Variants in ERBB4 observed in about 807,000 individuals in gnomAD.
The protein encoded by ERBB4 is erb-b2 receptor tyrosine kinase 4, also known as receptor tyrosine-protein kinase erbB-4.
ERBB4 carries 42 observed loss-of-function variants against 158.0 expected under a neutral mutation model. That is an observed-to-expected ratio of 0.27 (90% CI 0.21 to 0.34). The LOEUF (loss-of-function observed/expected upper bound fraction) is 0.34. ERBB4 is among the 10% of genes least tolerant of loss of function. ERBB4 has a pLI of 1.00. For missense variants in ERBB4, 1,333 were observed against 1,624.1 expected (o/e 0.82, Z 3.08); for synonymous variants, 583 against 558.7 (o/e 1.04, Z -0.61).
At chr2:212,074,324 C>T (rs977282928) in intron 2 of ERBB4, among the ~76,000 whole-genome samples, 2 of 151,946 alleles carry the variant, frequency 1.3e-5, no homozygotes, top group African/African-American at 4.8e-5. Context: ...TTTCAGGAAT[C>T]ACTAAACATA....
intron 1 of ERBB4, among the ~76,000 whole-genome samples, chr2:212,265,307 T>C (rs2085090050): frequency 6.6e-6 from 1 of 152,164 alleles, no homozygotes; most frequent in Non-Finnish European, 1.5e-5. Flanking sequence ...AATCATTTTA[T>C]GCTGTCTGAA....
intron 3 of ERBB4, among the ~76,000 whole-genome samples, chr2:211,935,144 C>T (rs1171060224): frequency 6.6e-6 from 1 of 152,046 alleles, no homozygotes; most frequent in African/African-American, 2.4e-5. Flanking sequence ...GTATGCCCTC[C>T]TTGTGGTATA....
chr2:212,436,257 A>T (rs2092134816), intron 1 of ERBB4, among the ~76,000 whole-genome samples: 1 of 152,148 alleles, frequency 6.6e-6, no homozygotes, highest in East Asian at 1.9e-4. Context: ...GAATCAATTC[A>T]TTTAGAAACC....
chr2:211,963,083 A>G lies in ERBB4; in HGVS notation c.235-15467T>C, dbSNP rs143381911. Among the ~76,000 whole-genome samples, 5 of 152,160 alleles carry G rather than the reference A, an allele frequency of 3.3e-5. No homozygotes were observed. The East Asian group carries it at 5.8e-4, about 18-fold the overall frequency. ...AGCACCTGTGATTTCATATATCTTGATGGGTGTCAGGTTATAATATTGTTC... is the reference window on the plus strand; with the variant it reads ...AGCACCTGTGATTTCATATATCTTGGTGGGTGTCAGGTTATAATATTGTTC... On this transcript the variant is annotated intron_variant, in intron 2 of 27. Coordinates refer to ENST00000342788, the MANE Select transcript of ERBB4 (RefSeq NM_005235.3).
chr2:211,997,620 A>G (rs1028273561), intron 2 of ERBB4, among the ~76,000 whole-genome samples: 10 of 152,142 alleles, frequency 6.6e-5, no homozygotes, highest in East Asian at 3.9e-4. Context: ...AGTCTCTCAC[A>G]TACACACTTA....
At chr2:212,431,683 C>T (rs1265521310) in intron 1 of ERBB4, among the ~76,000 whole-genome samples, 2 of 152,154 alleles carry the variant, frequency 1.3e-5, no homozygotes, top group Admixed American at 6.5e-5. Context: ...ATGATGACAT[C>T]TCTCATGACC....
intron 1 of ERBB4, among the ~76,000 whole-genome samples, chr2:212,519,786 T>G (rs150016534): frequency 5.3e-5 from 8 of 151,810 alleles, no homozygotes; most frequent in African/African-American, 1.7e-4. Context: ...CAGGGGAATA[T>G]AGAGAGAGGT....
At chr2:211,745,755 G>A (rs941934518) in intron 5 of ERBB4, among the ~76,000 whole-genome samples, 1 of 139,386 alleles carries the variant, frequency 7.2e-6, no homozygotes, top group East Asian at 2.4e-4. Context: ...CCTTAGGTAA[G>A]TATACTTATC....
At chr2:212,342,303 C>G (rs1226774017) in intron 1 of ERBB4, among the ~76,000 whole-genome samples, 1 of 152,060 alleles carries the variant, frequency 6.6e-6, no homozygotes, top group African/African-American at 2.4e-5. Context: ...ATGGGAGGGA[C>G]CTGGTGGGAG....
intron 3 of ERBB4, among the ~76,000 whole-genome samples, chr2:211,792,313 G>T (rs2076293671): frequency 6.6e-6 from 1 of 151,476 alleles, no homozygotes; most frequent in Non-Finnish European, 1.5e-5. Flanking sequence ...ATTATGCAAG[G>T]CTCAAGGTGA....
chr2:211,893,631 A>G (rs950236309), intron 3 of ERBB4, among the ~76,000 whole-genome samples: 3 of 135,990 alleles, frequency 2.2e-5, no homozygotes, highest in South Asian at 2.2e-4. Context: ...GCAACCTACA[A>G]AATGGGAGAA....
intron 2 of ERBB4, among the ~76,000 whole-genome samples, chr2:211,999,662 C>T (rs1487269431): frequency 2.6e-5 from 4 of 151,794 alleles, no homozygotes; most frequent in African/African-American, 9.7e-5. Context: ...ATTAATCATG[C>T]TCATTCATAA....
intron 7 of ERBB4, among the ~76,000 whole-genome samples, chr2:211,720,440 A>G (rs951842103): frequency 1.3e-5 from 2 of 152,184 alleles, no homozygotes; most frequent in Admixed American, 1.3e-4. Flanking sequence ...TCAATGATGA[A>G]TTTCTCCACT....
intron 6 of ERBB4, 131 bp from the exon 7 acceptor site, chr2:211,722,665 G>T: frequency 1.0e-6 from 1 of 995,690 alleles, no homozygotes; most frequent in Non-Finnish European, 1.5e-6. Flanking sequence ...TAATTTAAGA[G>T]TCATGTGTGT....
At chr2:211,511,469 T>C (rs2065883892) in intron 20 of ERBB4, among the ~76,000 whole-genome samples, 1 of 152,078 alleles carries the variant, frequency 6.6e-6, no homozygotes, top group South Asian at 2.1e-4. Context: ...CCATGAGTAT[T>C]ACTGAAAGAG....
intron 3 of ERBB4, among the ~76,000 whole-genome samples, chr2:211,839,781 C>T (rs1043352886): frequency 3.9e-5 from 6 of 152,072 alleles, no homozygotes; most frequent in Non-Finnish European, 5.9e-5. Context: ...ATTCATATTA[C>T]GTGTAGTTCT....
At chr2:211,755,717 G>A (rs2075274593) in intron 4 of ERBB4, among the ~76,000 whole-genome samples, 2 of 152,190 alleles carry the variant, frequency 1.3e-5, no homozygotes, top group South Asian at 2.1e-4. Context: ...TAGAGTCCAT[G>A]AACTGCATTT....
rs538653663 is a variant in ERBB4 at position 211,887,722 on chromosome 2, CA to C, written c.421+59707del. On this transcript the variant is annotated intron_variant, in intron 3 of 27. Coordinates refer to ENST00000342788, the MANE Select transcript of ERBB4 (RefSeq NM_005235.3). ...TCTGTTTAATCATGTTATTATCACA[CA>C]AATTTATTGATCCTGCAAAGCTATC... Among the ~76,000 whole-genome samples the C allele has an allele frequency of 9.3e-4, 142 of 152,222 alleles. 1 individual carries two copies. In the South Asian group the frequency reaches 0.029, roughly 31 times the overall value.
chr2:211,982,025 G>T (rs1025138061), intron 2 of ERBB4, among the ~76,000 whole-genome samples: 1 of 151,794 alleles, frequency 6.6e-6, no homozygotes, highest in African/African-American at 2.4e-5. Flanking sequence ...GCTTACTATT[G>T]ATATAATTTT....
Sources: gnomAD v4.1 joint callset for allele counts (sites outside exome capture counted in the v4.1 genomes callset) on GRCh38, gnomAD v4.1.1 for gene constraint, MANE v1.5 for transcripts, NCBI Gene and HGNC (gene_info 2026-07-23, HGNC 2026-07-21) for gene names.